Variants in PDLIM3 observed in about 807,000 individuals in gnomAD.
PDLIM3 encodes PDZ and LIM domain 3.
A neutral mutation model predicts 37.3 loss-of-function variants in PDLIM3; 36 were observed. The ratio of observed to expected loss-of-function variants is 0.97; its 90% confidence interval spans 0.74 to 1.28. PDLIM3 has a LOEUF of 1.28. Ranked by LOEUF, PDLIM3 falls within the 50% of genes most tolerant of loss-of-function variation. The pLI, the probability that PDLIM3 is intolerant of heterozygous loss-of-function variation, is 0.00. For missense variants in PDLIM3, 454 were observed against 485.0 expected (o/e 0.94, Z 0.60); for synonymous variants, 174 against 182.4 (o/e 0.95, Z 0.37).
intron 6 of PDLIM3, among the ~76,000 whole-genome samples, 198 bp downstream of exon 6, chr4:185,506,324 C>T (rs1346751916): frequency 1.3e-5 from 2 of 152,186 alleles, no homozygotes; most frequent in African/African-American, 4.8e-5. Flanking sequence ...CACTTGGTGG[C>T]TACTTGGACA....
intron 3 of PDLIM3, among the ~76,000 whole-genome samples, chr4:185,518,592 C>T (rs2153336954): frequency 6.6e-6 from 1 of 152,160 alleles, no homozygotes; most frequent in Non-Finnish European, 1.5e-5. Context: ...AATTATATTT[C>T]ATCACGTTTG....
At chr4:185,506,307 G>C (rs1480843676) in intron 6 of PDLIM3, among the ~76,000 whole-genome samples, 1 of 152,122 alleles carries the variant, frequency 6.6e-6, no homozygotes, top group Non-Finnish European at 1.5e-5. Flanking sequence ...GTGTCCTTTT[G>C]TGACTTCACT....
At chr4:185,505,634 A>AG (rs2095695582) in intron 6 of PDLIM3, among the ~76,000 whole-genome samples, 1 of 151,916 alleles carries the variant, frequency 6.6e-6, no homozygotes, top group South Asian at 2.1e-4. Flanking sequence ...AAGAAAAAAA[A>AG]AAAAATAAAG....
At chr4:185,506,226 C>A (rs1160404813) in intron 6 of PDLIM3, among the ~76,000 whole-genome samples, 2 of 152,184 alleles carry the variant, frequency 1.3e-5, no homozygotes, top group African/African-American at 4.8e-5. Flanking sequence ...TGACAACATT[C>A]ATTTAAAATG....
chr4:185,505,138 CTT>C (rs1247361435), intron 6 of PDLIM3, among the ~76,000 whole-genome samples: 2 of 152,206 alleles, frequency 1.3e-5, no homozygotes, highest in Admixed American at 1.3e-4. Context: ...ATATTTGCCT[CTT>C]TGTGTCTGGC....
At chr4:185,523,169 T>C in intron 3 of PDLIM3, 193 bp downstream of exon 3, 1 of 547,198 alleles carries the variant, frequency 1.8e-6, no homozygotes, top group South Asian at 2.3e-5. Context: ...AACAAGATGT[T>C]CACATAGGAA....
chr4:185,506,668 G>A lies in PDLIM3; in HGVS notation c.663-16C>T, dbSNP rs527271064. The A allele has an allele frequency of 6.1e-4, 970 of 1,601,530 alleles. 17 individuals are homozygous for A. In the South Asian group the frequency reaches 0.01, roughly 17 times the overall value. On this transcript the variant is annotated splice_polypyrimidine_tract_variant and intron_variant, in intron 5 of 7. Coordinates refer to ENST00000284767, the MANE Select transcript of PDLIM3 (RefSeq NM_014476.6). ...TGTGGGCTCGCTGAAACACAGGCAC[G>A]GCGGGGAGCATCGTCAGGTGCTGGG...
intron 2 of PDLIM3, among the ~76,000 whole-genome samples, chr4:185,524,054 T>C (rs1261198012): frequency 6.6e-6 from 1 of 151,892 alleles, no homozygotes; most frequent in African/African-American, 2.4e-5. Context: ...GCAGGCACAC[T>C]CTGCAGATGA....
chr4:185,513,573 C>T (rs2153335190), intron 4 of PDLIM3: 2 of 985,684 alleles, frequency 2.0e-6, no homozygotes, highest in South Asian at 9.4e-5. Context: ...AATAAATCCA[C>T]CTATGGGCCA....
At chr4:185,509,719 G>T (rs1311970763) in intron 4 of PDLIM3, among the ~76,000 whole-genome samples, 1 of 152,172 alleles carries the variant, frequency 6.6e-6, no homozygotes, top group Non-Finnish European at 1.5e-5. Context: ...GGATGTATAT[G>T]GTGTGTTTAC....
intron 1 of PDLIM3, among the ~76,000 whole-genome samples, chr4:185,531,788 G>C (rs1016615638): frequency 6.6e-6 from 1 of 152,002 alleles, no homozygotes; most frequent in Middle Eastern, 3.2e-3. Context: ...TGTATATTAA[G>C]AACTTATTTA....
chr4:185,531,745 G>A (rs538816301), intron 1 of PDLIM3, among the ~76,000 whole-genome samples: 8 of 152,136 alleles, frequency 5.3e-5, no homozygotes, highest in African/African-American at 1.4e-4. Flanking sequence ...ACTTTTTGTG[G>A]CTTTAAGTGT....
chr4:185,520,232 G>A lies in PDLIM3; in HGVS notation c.330+3130C>T, dbSNP rs187357076. Among the ~76,000 whole-genome samples, 35 of 152,114 alleles carry A rather than the reference G, an allele frequency of 2.3e-4. No individual in the cohort carries two copies. The East Asian group carries it at 3.1e-3, about 13-fold the overall frequency. On this transcript the variant is annotated intron_variant, in intron 3 of 7. Transcript: ENST00000284767. Reference sequence around the variant, plus strand: ...AAGTACCAAGTTACATAAACTGGCCGTGCAGAAATCTGGCCTAAGAGTCTC... The same window carrying A: ...AAGTACCAAGTTACATAAACTGGCCATGCAGAAATCTGGCCTAAGAGTCTC...
intron 1 of PDLIM3, among the ~76,000 whole-genome samples, chr4:185,534,833 A>G (rs1218329387): frequency 6.6e-6 from 1 of 152,184 alleles, no homozygotes; most frequent in Non-Finnish European, 1.5e-5. Context: ...TGGCCAACGC[A>G]GGTCGTGCCC....
chr4:185,523,924 G>A (rs537177214), intron 2 of PDLIM3, among the ~76,000 whole-genome samples: 3 of 151,390 alleles, frequency 2.0e-5, no homozygotes, highest in Admixed American at 1.3e-4. Context: ...GGCCGAAGTC[G>A]TACATTTTTA....
At chr4:185,529,905 A>G (rs2095741051) in intron 1 of PDLIM3, among the ~76,000 whole-genome samples, 1 of 152,070 alleles carries the variant, frequency 6.6e-6, no homozygotes. Flanking sequence ...ATCTTCTATC[A>G]TCTCGCATTG....
At chr4:185,505,159 C>CTT (rs1217717839) in intron 6 of PDLIM3, among the ~76,000 whole-genome samples, 1 of 152,220 alleles carries the variant, frequency 6.6e-6, no homozygotes, top group Non-Finnish European at 1.5e-5. Flanking sequence ...GCTTCTTTCA[C>CTT]TTCACATAAT....
rs1306620317 is a variant in PDLIM3, at chr4:185,506,588, C to T, written c.727G>A (p.Glu243Lys). The change falls in exon 6 of 8, where the codon GAG becomes AAG. Residue 243 changes from glutamate (E) to lysine (K), a missense_variant. Transcript: ENST00000284767. ...VYRMLHDNRN[E>K]PTQPRQSGSF... Reference sequence around the variant, plus strand: ...CCCGACTGGCGAGGCTGTGTGGGCTCATTCCGATTGTCGTGGAGCATCCGG... The same window carrying T: ...CCCGACTGGCGAGGCTGTGTGGGCTTATTCCGATTGTCGTGGAGCATCCGG... 6 of 1,612,572 alleles carry T rather than the reference C, an allele frequency of 3.7e-6. No homozygotes were observed. The highest frequency in any genetic ancestry group is 2.7e-5 in the African/African-American group (2 of 74,930).
chr4:185,513,558 T>C (rs962137028), intron 4 of PDLIM3: 2 of 985,124 alleles, frequency 2.0e-6, no homozygotes, highest in East Asian at 2.3e-4. Flanking sequence ...AAAACATGCC[T>C]GTGAAATAAA....
Sources: gnomAD v4.1 joint callset for allele counts (sites outside exome capture counted in the v4.1 genomes callset) on GRCh38, gnomAD v4.1.1 for gene constraint, MANE v1.5 for transcripts, NCBI Gene and HGNC (gene_info 2026-07-23, HGNC 2026-07-21) for gene names.